The following DSTYK variants were observed in gnomAD, a reference collection of about 807,000 sequenced individuals.
The protein encoded by DSTYK is dual serine/threonine and tyrosine protein kinase, also known as RIP-homologous kinase.
DSTYK carries 34 observed loss-of-function variants against 98.7 expected under a neutral mutation model. The ratio of observed to expected loss-of-function variants is 0.34; its 90% CI spans 0.26 to 0.46. The LOEUF (loss-of-function observed/expected upper bound fraction) is 0.46, where lower values mean the gene tolerates loss of function less well. Among genes scored for constraint, DSTYK ranks in the 20% least tolerant of loss-of-function variants. The pLI is 1.00. For synonymous variants in DSTYK, 462 were observed against 457.3 expected (o/e 1.01, Z -0.13); for missense variants, 962 against 1,181.7 (o/e 0.81, Z 2.73).
At chr1:205,159,705 C>T (rs1403486848) in intron 8 of DSTYK, 26 bp from the exon 9 acceptor site, 2 of 1,612,044 alleles carry the variant, frequency 1.2e-6, no homozygotes, top group African/African-American at 2.7e-5. Flanking sequence ...GAGATCTGGG[C>T]TACAAGGCTT....
intron 2 of DSTYK, among the ~76,000 whole-genome samples, chr1:205,182,372 C>G (rs773647575): frequency 6.6e-6 from 1 of 151,772 alleles, no homozygotes; most frequent in Non-Finnish European, 1.5e-5. Context: ...GCCTGGACAA[C>G]AGAGTGAGAC....
rs544881145 is a variant in DSTYK at position 205,211,582 on chromosome 1, C to T, written c.-47G>A. The T allele has an allele frequency of 9.2e-6, 13 of 1,408,068 alleles. No homozygotes were observed. In the South Asian group the frequency reaches 1.7e-4, roughly 18 times the overall value. 87.2% of individuals were successfully genotyped at this position (1,408,068 alleles called of 1,614,324 possible). The stretch of plus-strand genomic sequence containing the variant: ...TGCGGCTCGGTCCCCGGCCGCAGGC[C>T]CGGCCTCCCTCCTCCCCGCCCCCCA... On this transcript the variant is annotated 5_prime_UTR_variant, in exon 1 of 13. Coordinates refer to ENST00000367162, the MANE Select transcript of DSTYK (RefSeq NM_015375.3).
chr1:205,190,923 C>T (rs140507869), intron 1 of DSTYK, among the ~76,000 whole-genome samples: 21 of 152,284 alleles, frequency 1.4e-4, no homozygotes, highest in African/African-American at 5.1e-4. Flanking sequence ...AGAAAACCGA[C>T]TAAATCACTT....
chr1:205,169,229 T>C lies in DSTYK; in HGVS notation c.1258A>G (p.Ile420Val). The C allele has an allele frequency of 1.2e-6, 2 of 1,613,988 alleles. No individual in the cohort carries two copies. Among genetic ancestry groups the C allele is most frequent in the Non-Finnish European group, 1.7e-6 (2 of 1,179,912 alleles). The change falls in exon 3 of 13, where the codon ATT becomes GTT. Residue 420 changes from isoleucine to valine, a missense_variant. Physicochemically the swap from Ile to Val is conservative, Grantham distance 29 (BLOSUM62 3). This residue lies in a region of DSTYK where 660 missense variants were observed against 855.0 expected (regional missense o/e 0.77). Coordinates refer to ENST00000367162, the MANE Select transcript of DSTYK (RefSeq NM_015375.3). The surrounding 1 kb of genome is among the most constrained non-coding windows in gnomAD (Gnocchi z 4.0). ...NRKQEEMKDM[I>V]VETLNTMKEE... ...TTCATGGTATTAAGTGTCTCAACAA[T>C]CATATCCTTCATTTCCTCCTGCTTT... is the stretch of plus-strand genomic sequence containing the variant.
chr1:205,159,840 C>T (rs998795114), intron 8 of DSTYK, among the ~76,000 whole-genome samples, 161 bp from the exon 9 acceptor site: 1 of 152,146 alleles, frequency 6.6e-6, no homozygotes, highest in Non-Finnish European at 1.5e-5. Flanking sequence ...AGAGCATGGC[C>T]TCTTCAACAA....
intron 1 of DSTYK, 84 bp downstream of exon 1, chr1:205,211,187 C>G (rs1474030043): frequency 1.3e-6 from 2 of 1,481,860 alleles, no homozygotes; most frequent in Non-Finnish European, 1.8e-6. Flanking sequence ...CGAGAAGACT[C>G]GGGCTTGTTT....
intron 1 of DSTYK, among the ~76,000 whole-genome samples, chr1:205,198,834 C>CTTTTTTT: frequency 7.8e-6 from 1 of 128,210 alleles, no homozygotes; most frequent in Non-Finnish European, 1.6e-5. Flanking sequence ...GGCACTAAAG[C>CTTTTTTT]TTTTTTTTTT....
intron 1 of DSTYK, among the ~76,000 whole-genome samples, chr1:205,192,301 A>C (rs1275738739): frequency 6.6e-6 from 1 of 151,602 alleles, no homozygotes; most frequent in Non-Finnish European, 1.5e-5. Context: ...GGAGGCCGAC[A>C]TGGATGGATG....
intron 10 of DSTYK, among the ~76,000 whole-genome samples, chr1:205,155,938 C>A (rs959424566): frequency 3.3e-5 from 5 of 152,250 alleles, no homozygotes; most frequent in African/African-American, 4.8e-5. Flanking sequence ...CCAGCTGCTT[C>A]AGTTCCAGCT....
chr1:205,192,267 C>T (rs913886711), intron 1 of DSTYK, among the ~76,000 whole-genome samples: 1 of 151,950 alleles, frequency 6.6e-6, no homozygotes, highest in Non-Finnish European at 1.5e-5. Context: ...CATGGTGGCT[C>T]ACGCCTATAA....
chr1:205,159,961 G>C (rs1657668561), intron 8 of DSTYK, 153 bp downstream of exon 8: 4 of 935,942 alleles, frequency 4.3e-6, no homozygotes, highest in Non-Finnish European at 6.7e-6. Flanking sequence ...AGCAAGCAAA[G>C]ACAGTAAAGG....
Position 205,187,789 on chromosome 1 carries a change from A to T in DSTYK, c.283T>A (p.Ser95Thr). Residue 95 changes from serine to threonine, a missense_variant, in exon 2 of 13, where the codon TCC (serine) becomes ACC (threonine). This residue lies in a region of DSTYK where 660 missense variants were observed against 855.0 expected (regional missense o/e 0.77). Transcript: ENST00000367162. ...TACTTCTCTTCCTTAGGTGGGAAGG[A>T]AATGCAGCTCAGTTGGCCTGGTTGG... ...GLQAGQLSCI[S>T]FPPKEEKYLQ... 6.2e-7 allele frequency: 1 copy of T among 1,612,682 alleles called. No homozygotes were observed. Among genetic ancestry groups the T allele is most frequent in the Non-Finnish European group, 8.5e-7 (1 of 1,179,218 alleles).
At chr1:205,199,049 C>T (rs111809819) in intron 1 of DSTYK, among the ~76,000 whole-genome samples, 1 of 152,118 alleles carries the variant, frequency 6.6e-6, no homozygotes, top group South Asian at 2.1e-4. Context: ...TTTAAAAAAT[C>T]AAAGGCTTTT....
intron 2 of DSTYK, among the ~76,000 whole-genome samples, chr1:205,171,060 T>TA (rs1288587561): frequency 1.3e-5 from 2 of 151,940 alleles, no homozygotes; most frequent in Non-Finnish European, 2.9e-5. Flanking sequence ...AACTCTATCT[T>TA]TAAGTTCCTG....
rs1657164356 is a variant in DSTYK, at chr1:205,144,492, A to G, written c.*3066T>C. On this transcript the variant is annotated 3_prime_UTR_variant, in exon 13 of 13. Transcript: ENST00000367162. ...AGTAATATACAATACAGTACATTTC[A>G]TGGCATTCCATCACTTATAATAAGA... 3 of 152,618 alleles carry G rather than the reference A, an allele frequency of 2.0e-5. No homozygotes were observed. The highest frequency in any genetic ancestry group is 7.2e-5 in the African/African-American group (3 of 41,446). 9.5% of individuals were successfully genotyped at this position (152,618 alleles called of 1,614,324 possible). A position where few individuals can be genotyped will look rare whatever the true frequency, so the allele number is the denominator to read the frequency against.
At chr1:205,193,458 G>A (rs112768329) in intron 1 of DSTYK, among the ~76,000 whole-genome samples, 1,942 of 152,270 alleles carry the variant, frequency 0.013, 19 homozygotes, top group Middle Eastern at 0.048. Context: ...AAAGGAGATT[G>A]GAAGGCTTCA....
intron 1 of DSTYK, among the ~76,000 whole-genome samples, chr1:205,205,486 C>T (rs1659171216): frequency 6.6e-6 from 1 of 151,974 alleles, no homozygotes; most frequent in Admixed American, 6.6e-5. Flanking sequence ...CACTCTATCA[C>T]CCAAGCTGGA....
At chr1:205,174,390 G>A (rs1220495495) in intron 2 of DSTYK, among the ~76,000 whole-genome samples, 1 of 151,876 alleles carries the variant, frequency 6.6e-6, no homozygotes, top group Admixed American at 6.6e-5. Context: ...GCACAAGCCT[G>A]TAGTCCCAGC....
At position 205,169,257 on chromosome 1, in the gene DSTYK, G is replaced by A. The variant is rs1244825310; in HGVS notation, c.1230C>T (p.Asn410=). ...ELYESLMNIA[N]RKQEEMKDMI... ...TATCCTTCATTTCCTCCTGCTTTCG[G>A]TTGGCAATATTCATCAATGATTCAT... is the stretch of plus-strand genomic sequence containing the variant. Residue 410 remains asparagine, a synonymous_variant, in exon 3 of 13, where the codon AAC becomes AAT. Transcript: ENST00000367162. This position sits in a 1 kb window ranked among gnomAD's most constrained non-coding sequence, Gnocchi z 4.0. The A allele has an allele frequency of 3.1e-6, 5 of 1,613,848 alleles. No individual in the cohort carries two copies. Among genetic ancestry groups the A allele is most frequent in the Non-Finnish European group, 1.7e-6 (2 of 1,180,002 alleles).
Sources: gnomAD v4.1 joint callset for allele counts (sites outside exome capture counted in the v4.1 genomes callset) on GRCh38, gnomAD v4.1.1 for gene constraint, gnomAD v4.1.1 regional missense constraint, Gnocchi (gnomAD v3.1) non-coding constraint, MANE v1.5 for transcripts, NCBI Gene and HGNC (gene_info 2026-07-23, HGNC 2026-07-21) for gene names.